Variants in TMEM38B observed in about 807,000 individuals in gnomAD.
TMEM38B encodes trimeric intracellular cation channel type B.
TMEM38B carries 24 observed loss-of-function variants against 28.7 expected under a neutral mutation model. The ratio of observed to expected loss-of-function variants is 0.84; its 90% CI spans 0.61 to 1.18. TMEM38B has a LOEUF of 1.18. TMEM38B is among the 50% of genes most tolerant of loss of function. The pLI, the probability that TMEM38B is intolerant of heterozygous loss-of-function variation, is 0.00. For missense variants in TMEM38B, 380 were observed against 350.9 expected, an observed-to-expected ratio of 1.08 and a Z score of -0.66; for synonymous variants, 131 against 127.7, an observed-to-expected ratio of 1.03 and a Z score of -0.17.
At chr9:105,737,586 T>A (rs924372216) in intron 4 of TMEM38B, among the ~76,000 whole-genome samples, 3 of 152,204 alleles carry the variant, frequency 2.0e-5, no homozygotes, top group Admixed American at 2.0e-4. Context: ...CTCAGCAGCG[T>A]AGACGCTGGG....
At chr9:105,730,772 C>A (rs184949408) in intron 4 of TMEM38B, among the ~76,000 whole-genome samples, 27 of 152,260 alleles carry the variant, frequency 1.8e-4, no homozygotes, top group Admixed American at 1.6e-3. Context: ...AGAGATTCAA[C>A]TTCTTCCTGG....
intron 4 of TMEM38B, among the ~76,000 whole-genome samples, chr9:105,739,856 A>C (rs1837131131): frequency 6.6e-6 from 1 of 151,260 alleles, no homozygotes. Flanking sequence ...TGAACATGGG[A>C]TAGCTTTCTA....
At chr9:105,737,944 C>T (rs749987364) in intron 4 of TMEM38B, among the ~76,000 whole-genome samples, 6 of 152,064 alleles carry the variant, frequency 3.9e-5, no homozygotes, top group Non-Finnish European at 7.4e-5. Context: ...CAGCTTGACC[C>T]CAAGGGTAGG....
chr9:105,705,870 C>A, intron 2 of TMEM38B, 117 bp downstream of exon 2: 1 of 1,068,708 alleles, frequency 9.4e-7, no homozygotes, highest in Non-Finnish European at 1.3e-6. Flanking sequence ...GTTAATGCAT[C>A]TGCAAGGAAG....
rs749605100 is a variant in TMEM38B, at chr9:105,774,029, A to G, written c.825A>G (p.Val275=). The change falls in exon 6 of 6, where the codon GTA becomes GTG. Residue 275 remains valine (V), a synonymous_variant. Transcript: ENST00000374692. ...NGVGSLASKP[V]DVASDNVKKK... is the part of the protein sequence containing the mutation. ...TTGGGTCATTGGCCTCAAAGCCGGT[A>G]GATGTTGCCTCAGATAATGTTAAAA... 5.0e-6 allele frequency: 8 copies of G among 1,613,754 alleles called. No homozygotes were observed. Among genetic ancestry groups the G allele is most frequent in the Non-Finnish European group, 6.8e-6 (8 of 1,179,776 alleles).
chr9:105,760,644 G>C, intron 5 of TMEM38B: 1 of 880,800 alleles, frequency 1.1e-6, no homozygotes, highest in Non-Finnish European at 1.9e-6. Flanking sequence ...TGATATATCA[G>C]AAAAGATTTC....
intron 5 of TMEM38B, among the ~76,000 whole-genome samples, chr9:105,772,975 G>C (rs1438245877): frequency 1.3e-5 from 2 of 151,866 alleles, no homozygotes; most frequent in Non-Finnish European, 2.9e-5. Flanking sequence ...ATTTATTCTT[G>C]ATACCATTTT....
rs1038101492 is a variant in TMEM38B at position 105,753,701 on chromosome 9, A to G, written c.660+5511A>G. On this transcript the variant is annotated intron_variant, in intron 5 of 5. Coordinates refer to ENST00000374692, the MANE Select transcript of TMEM38B (RefSeq NM_018112.3). Reference sequence around the variant, plus strand: ...TGGAAAGGAAAAACCATTACCAGCCATTACAAAAACACACTGAAGCACAGA... The same window carrying G: ...TGGAAAGGAAAAACCATTACCAGCCGTTACAAAAACACACTGAAGCACAGA... 3.9e-5 allele frequency among the ~76,000 whole-genome samples: 6 copies of G among 152,222 alleles called. 1 individual carries two copies. In the South Asian group the frequency reaches 6.2e-4, roughly 16 times the overall value.
At chr9:105,723,296 A>G (rs1428624022) in intron 4 of TMEM38B, among the ~76,000 whole-genome samples, 1 of 152,162 alleles carries the variant, frequency 6.6e-6, no homozygotes, top group African/African-American at 2.4e-5. Flanking sequence ...GTCATAGCTC[A>G]CTGCAGCCTA....
chr9:105,695,948 T>A (rs1411767789), intron 1 of TMEM38B, among the ~76,000 whole-genome samples: 3 of 152,228 alleles, frequency 2.0e-5, no homozygotes, highest in Admixed American at 2.0e-4. Context: ...TACTACATGT[T>A]CAGAATTTGA....
At chr9:105,719,571 G>T (rs1467372792) in intron 2 of TMEM38B, among the ~76,000 whole-genome samples, 1 of 152,024 alleles carries the variant, frequency 6.6e-6, no homozygotes, top group East Asian at 1.9e-4. Context: ...TTTGCCCTGT[G>T]GCTACTTAAC....
At chr9:105,746,763 A>T (rs1448304025) in intron 4 of TMEM38B, among the ~76,000 whole-genome samples, 3 of 152,160 alleles carry the variant, frequency 2.0e-5, no homozygotes, top group Non-Finnish European at 4.4e-5. Context: ...TCAGTACCTA[A>T]TTTATTGAAA....
chr9:105,720,759 C>G lies in TMEM38B; in HGVS notation c.270-778C>G, dbSNP rs534268940. On this transcript the variant is annotated intron_variant, in intron 2 of 5. Transcript: ENST00000374692. ...GAAAGAAGATATGTTCTACTTTAAG[C>G]ACAAAATTGTCAGCCAGAGTATTTG... Among the ~76,000 whole-genome samples, 384 of 152,148 alleles carry G rather than the reference C, an allele frequency of 2.5e-3. 1 individual carries two copies. Among genetic ancestry groups the G allele is most frequent in the Non-Finnish European group, 4.7e-3 (319 of 67,954 alleles).
intron 4 of TMEM38B, among the ~76,000 whole-genome samples, chr9:105,742,283 C>T (rs902347991): frequency 2.6e-5 from 4 of 152,194 alleles, no homozygotes; most frequent in Non-Finnish European, 5.9e-5. Context: ...AGGCTGGATT[C>T]AGGTGCAGAG....
At position 105,768,535 on chromosome 9, in the gene TMEM38B, G is replaced by A. The variant is rs77049168; in HGVS notation, c.661-5330G>A. ...TAGATTCACTAATGAAGTCATTTGG[G>A]CCTAGAATTTTCTTTAAAGGAAGGT... On this transcript the variant is annotated intron_variant, in intron 5 of 5. Coordinates refer to ENST00000374692, the MANE Select transcript of TMEM38B (RefSeq NM_018112.3). Among the ~76,000 whole-genome samples, 9 of 152,086 alleles carry A rather than the reference G, an allele frequency of 5.9e-5. No individual in the cohort carries two copies. The East Asian group carries it at 1.7e-3, about 29-fold the overall frequency.
At chr9:105,759,356 T>G in intron 5 of TMEM38B, 12 of 1,245,530 alleles carry the variant, frequency 9.6e-6, no homozygotes, top group Non-Finnish European at 1.4e-5. Context: ...AGTGCCTTCT[T>G]CTCAGTCTGC....
intron 2 of TMEM38B, among the ~76,000 whole-genome samples, chr9:105,715,256 T>A (rs1489675450): frequency 6.6e-6 from 1 of 152,180 alleles, no homozygotes. Flanking sequence ...ATTACTCCAT[T>A]TTCTTCTGGC....
At chr9:105,738,791 C>T (rs1228787259) in intron 4 of TMEM38B, among the ~76,000 whole-genome samples, 2 of 148,686 alleles carry the variant, frequency 1.3e-5, no homozygotes, top group Non-Finnish European at 3.0e-5. Context: ...TGTCACAGCT[C>T]ACTGCAGCCT....
At chr9:105,698,201 A>G (rs186579223) in intron 1 of TMEM38B, among the ~76,000 whole-genome samples, 20 of 152,082 alleles carry the variant, frequency 1.3e-4, no homozygotes, top group Non-Finnish European at 2.5e-4. Flanking sequence ...CTTGTAGCCA[A>G]GAACCCGGGT....
Sources: allele counts gnomAD v4.1 joint callset (sites outside exome capture counted in the v4.1 genomes callset), GRCh38; gene constraint gnomAD v4.1.1; transcripts MANE v1.5; gene names NCBI Gene and HGNC (gene_info 2026-07-23, HGNC 2026-07-21).